The following TENM2 variants were observed in gnomAD, a reference collection of about 807,000 sequenced individuals.
TENM2 encodes the protein teneurin-2.
A neutral mutation model predicts 245.2 loss-of-function variants in TENM2; 52 were observed. The observed-to-expected ratio is 0.21, with a 90% CI of 0.17 to 0.27. TENM2 has a LOEUF of 0.27. TENM2 is among the 10% of genes least tolerant of loss of function. TENM2 has a pLI of 1.00. For synonymous variants in TENM2, 1,363 were observed against 1,438.9 expected (o/e 0.95, Z 1.19); for missense variants, 3,046 against 3,666.8 (o/e 0.83, Z 4.37).
At chr5:167,688,205 G>C (rs565044700) in intron 2 of TENM2, among the ~76,000 whole-genome samples, 55 of 152,268 alleles carry the variant, frequency 3.6e-4, no homozygotes, top group African/African-American at 1.3e-3. Flanking sequence ...TTACCCCTCT[G>C]TCATACTGCT....
chr5:167,109,809 C>T, the TENM2 span, among the ~76,000 whole-genome samples: 6,708 of 152,196 alleles, frequency 0.044, 474 homozygotes, highest in African/African-American at 0.15. Flanking sequence ...GCATAGGATG[C>T]TAGTAACTAT....
At chr5:167,377,095 G>A (rs1389523369) in intron 2 of TENM2, among the ~76,000 whole-genome samples, 2 of 151,946 alleles carry the variant, frequency 1.3e-5, no homozygotes, top group East Asian at 3.9e-4. Flanking sequence ...ATCTAATAAG[G>A]GAGGGTTTCT....
intron 2 of TENM2, among the ~76,000 whole-genome samples, chr5:167,780,421 C>T (rs961477201): frequency 2.0e-5 from 3 of 152,204 alleles, no homozygotes; most frequent in Non-Finnish European, 4.4e-5. Flanking sequence ...TGTCAGCTCT[C>T]ATATCGTAAA....
chr5:167,627,175 A>T (rs920747789), intron 2 of TENM2, among the ~76,000 whole-genome samples: 1 of 152,206 alleles, frequency 6.6e-6, no homozygotes, highest in African/African-American at 2.4e-5. Context: ...AACCACTCTA[A>T]TGAATTAATC....
At chr5:167,446,714 G>A (rs1210225682) in intron 2 of TENM2, among the ~76,000 whole-genome samples, 1 of 149,682 alleles carries the variant, frequency 6.7e-6, no homozygotes, top group African/African-American at 2.5e-5. Context: ...GGGGGGATTT[G>A]TACCCATGTG....
intron 2 of TENM2, among the ~76,000 whole-genome samples, chr5:167,558,748 G>T (rs954200425): frequency 3.9e-5 from 6 of 152,084 alleles, no homozygotes; most frequent in Non-Finnish European, 7.3e-5. Context: ...GAAATAAAGT[G>T]TACAATAAAT....
At chr5:168,217,022 GAGATAC>G (rs2085235155) in intron 22 of TENM2, 100 bp downstream of exon 24, 1 of 1,321,008 alleles carries the variant, frequency 7.6e-7, no homozygotes, top group Admixed American at 2.0e-5. Context: ...ATGGGAGGGA[GAGATAC>G]AGATACAGAT....
intron 4 of TENM2, among the ~76,000 whole-genome samples, chr5:167,988,471 G>A (rs937002034): frequency 6.6e-6 from 1 of 152,188 alleles, no homozygotes; most frequent in African/African-American, 2.4e-5. Context: ...TGACAGGGCA[G>A]AGAGTAACAG....
At chr5:167,746,498 A>G (rs751646842) in intron 2 of TENM2, among the ~76,000 whole-genome samples, 7 of 152,190 alleles carry the variant, frequency 4.6e-5, no homozygotes, top group Admixed American at 6.5e-5. Flanking sequence ...TGAGGTCAGC[A>G]TAATGGGATG....
At chr5:167,464,988 T>C (rs530240000) in intron 2 of TENM2, among the ~76,000 whole-genome samples, 1 of 152,354 alleles carries the variant, frequency 6.6e-6, no homozygotes, top group South Asian at 2.1e-4. Flanking sequence ...GTGTCTCAAG[T>C]TCACTACATG....
chr5:167,680,864 T>G (rs531008743), intron 2 of TENM2, among the ~76,000 whole-genome samples: 2 of 152,342 alleles, frequency 1.3e-5, no homozygotes, highest in East Asian at 1.9e-4. Flanking sequence ...ACTCACTGCT[T>G]AACACATTTT....
At chr5:168,191,991 C>G (rs1581589929) in intron 14 of TENM2, among the ~76,000 whole-genome samples, 1 of 152,050 alleles carries the variant, frequency 6.6e-6, no homozygotes, top group African/African-American at 2.4e-5. Context: ...GTCGTTTTTA[C>G]TAAAAATAAA....
At chr5:167,056,887 A>G in the TENM2 span, among the ~76,000 whole-genome samples, 10 of 151,406 alleles carry the variant, frequency 6.6e-5, no homozygotes, top group African/African-American at 2.4e-4. Context: ...TAATTTTGAG[A>G]AATCCTCAGT....
At chr5:167,218,781 C>T in the TENM2 span, among the ~76,000 whole-genome samples, 1 of 152,158 alleles carries the variant, frequency 6.6e-6, no homozygotes, top group East Asian at 1.9e-4. Context: ...TTAAGATACA[C>T]ATAGGACTTC....
the TENM2 span, among the ~76,000 whole-genome samples, chr5:166,981,592 C>A: frequency 6.6e-6 from 1 of 152,032 alleles, no homozygotes; most frequent in African/African-American, 2.4e-5. Context: ...GATAACTGAC[C>A]AGGCTAAGGG....
At chr5:167,459,934 ACG>A (rs1176916105) in intron 2 of TENM2, among the ~76,000 whole-genome samples, 6 of 150,860 alleles carry the variant, frequency 4.0e-5, no homozygotes, top group Non-Finnish European at 4.4e-5. Flanking sequence ...ACACACACAC[ACG>A]CACACACACA....
At chr5:167,315,427 A>G (rs1020132155) in intron 1 of TENM2, among the ~76,000 whole-genome samples, 1 of 152,150 alleles carries the variant, frequency 6.6e-6, no homozygotes, top group Admixed American at 6.5e-5. Flanking sequence ...TTCTTTGACA[A>G]GTGGTCATAT....
chr5:167,003,751 T>G, the TENM2 span, among the ~76,000 whole-genome samples: 1 of 152,190 alleles, frequency 6.6e-6, no homozygotes, highest in Non-Finnish European at 1.5e-5. Context: ...TATAGTAAAA[T>G]GTAGTGACTA....
At chr5:167,693,886 C>T (rs1757591188) in intron 2 of TENM2, among the ~76,000 whole-genome samples, 1 of 152,206 alleles carries the variant, frequency 6.6e-6, no homozygotes, top group Non-Finnish European at 1.5e-5. Flanking sequence ...ATATTCCTTA[C>T]TGGGTATAAG....
Sources: allele counts gnomAD v4.1 joint callset (sites outside exome capture counted in the v4.1 genomes callset), GRCh38; gene constraint gnomAD v4.1.1; transcripts MANE v1.5; gene names NCBI Gene and HGNC (gene_info 2026-07-23, HGNC 2026-07-21).